Variants in MCPH1 observed in about 807,000 individuals in gnomAD.
MCPH1 encodes microcephalin 1.
A neutral mutation model predicts 84.5 loss-of-function variants in MCPH1; 104 were observed. The ratio of observed to expected loss-of-function variants is 1.23; its 90% CI spans 1.05 to 1.45. The LOEUF (loss-of-function observed/expected upper bound fraction) is 1.45, where lower values mean the gene tolerates loss of function less well. MCPH1 is among the 40% of genes most tolerant of loss of function. MCPH1 has a pLI of 0.00. For synonymous variants in MCPH1, 514 were observed against 366.8 expected, an observed-to-expected ratio of 1.40 and a Z score of -4.58; for missense variants, 1,498 against 1,005.7, an observed-to-expected ratio of 1.49 and a Z score of -6.62.
intron 12 of MCPH1, among the ~76,000 whole-genome samples, chr8:6,580,987 A>G (rs150992099): frequency 5.4e-4 from 82 of 152,378 alleles, no homozygotes; most frequent in African/African-American, 1.9e-3. Flanking sequence ...ACAATAAAAA[A>G]GTACAAAAAA....
intron 1 of MCPH1, among the ~76,000 whole-genome samples, chr8:6,407,800 G>GC (rs977949303): frequency 2.0e-5 from 3 of 152,108 alleles, no homozygotes; most frequent in African/African-American, 7.2e-5. Flanking sequence ...CACTCACTAT[G>GC]CCCCCCAGGC....
chr8:6,413,139 A>T (rs551321767), intron 2 of MCPH1, among the ~76,000 whole-genome samples: 15 of 152,204 alleles, frequency 9.9e-5, no homozygotes, highest in African/African-American at 3.6e-4. Context: ...TGCCTTTATT[A>T]TACTGTTACC....
At chr8:6,416,371 C>T (rs1325635806) in intron 3 of MCPH1, among the ~76,000 whole-genome samples, 3 of 152,108 alleles carry the variant, frequency 2.0e-5, no homozygotes, top group Non-Finnish European at 4.4e-5. Context: ...TGAGAATGGA[C>T]GTCCTTGTGT....
chr8:6,409,858 A>G (rs1318280532), intron 2 of MCPH1, among the ~76,000 whole-genome samples: 2 of 152,160 alleles, frequency 1.3e-5, no homozygotes, highest in Non-Finnish European at 1.5e-5. Context: ...AAGAGTGGTG[A>G]CAGAGGAGCG....
intron 13 of MCPH1, among the ~76,000 whole-genome samples, chr8:6,640,473 T>C (rs776741087): frequency 6.6e-6 from 1 of 152,228 alleles, no homozygotes; most frequent in Non-Finnish European, 1.5e-5. Flanking sequence ...TGAGTCTGAA[T>C]ATCTTAGATA....
chr8:6,638,502 C>T (rs1397091718), intron 13 of MCPH1, among the ~76,000 whole-genome samples: 1 of 151,596 alleles, frequency 6.6e-6, no homozygotes, highest in African/African-American at 2.4e-5. Flanking sequence ...CATAAGACCA[C>T]ACAGAGCCAT....
chr8:6,620,479 T>C (rs899404702), intron 12 of MCPH1, among the ~76,000 whole-genome samples: 8 of 152,098 alleles, frequency 5.3e-5, no homozygotes, highest in Admixed American at 5.2e-4. Flanking sequence ...GAGGTCAGCC[T>C]TGCCTGCTGC....
intron 13 of MCPH1, among the ~76,000 whole-genome samples, chr8:6,634,389 T>A (rs1797388010): frequency 6.6e-6 from 1 of 152,222 alleles, no homozygotes; most frequent in South Asian, 2.1e-4. Context: ...AAGTCTGTAT[T>A]GCTGATGAGA....
At chr8:6,438,822 C>T in intron 5 of MCPH1, 131 bp from the exon 6 acceptor site, 1 of 756,322 alleles carries the variant, frequency 1.3e-6, no homozygotes. Flanking sequence ...AGAATATTAG[C>T]AGGAGTAGGT....
chr8:6,519,771 T>G, intron 12 of MCPH1: 1 of 1,486,486 alleles, frequency 6.7e-7, no homozygotes, highest in Non-Finnish European at 9.2e-7. Context: ...CTGGGGAAGA[T>G]CTTTGGGGAG....
At chr8:6,424,409 C>T (rs998971062) in intron 3 of MCPH1, among the ~76,000 whole-genome samples, 2 of 152,164 alleles carry the variant, frequency 1.3e-5, no homozygotes, top group Non-Finnish European at 2.9e-5. Flanking sequence ...GGGACATATT[C>T]CTGCATAACC....
intron 12 of MCPH1, among the ~76,000 whole-genome samples, chr8:6,602,391 C>A (rs568443151): frequency 6.6e-6 from 1 of 152,114 alleles, no homozygotes; most frequent in Non-Finnish European, 1.5e-5. Context: ...AGTGGCCTGG[C>A]AACCAGAGGT....
At chr8:6,625,343 GTGTCCTC>G (rs1831955584) in intron 13 of MCPH1, 1 of 985,356 alleles carries the variant, frequency 1.0e-6, no homozygotes. Context: ...ATCCATGGAT[GTGTCCTC>G]ATCATCCCTG....
intron 10 of MCPH1, among the ~76,000 whole-genome samples, chr8:6,479,053 C>G (rs1306014710): frequency 6.6e-6 from 1 of 152,168 alleles, no homozygotes. Flanking sequence ...TTGTTTGAGC[C>G]TAGGAGTTCA....
chr8:6,557,120 A>G (rs528732418), intron 12 of MCPH1, among the ~76,000 whole-genome samples: 1 of 152,060 alleles, frequency 6.6e-6, no homozygotes, highest in African/African-American at 2.4e-5. Context: ...GTTCATTCAC[A>G]CTCCTCTCAG....
In MCPH1 at chr8:6,444,873, G is replaced by A; in HGVS notation, c.1151G>A (p.Arg384Lys). ...AGCACCAGGAGATCTATCATGCCGA[G>A]GCTGCAGCTGTGCAGGTCGGAAGAC... ...KRSTRRSIMP[R>K]LQLCRSEDRL... is the part of the protein sequence containing the mutation. The change falls in exon 8 of 14, where the codon AGG (arginine) becomes AAG (lysine). Residue 384 changes from arginine to lysine, a missense_variant. Coordinates refer to ENST00000344683, the MANE Select transcript of MCPH1 (RefSeq NM_024596.5). The A allele has an allele frequency of 6.2e-7, 1 of 1,614,162 alleles. No homozygotes were observed. Among genetic ancestry groups the A allele is most frequent in the Non-Finnish European group, 8.5e-7 (1 of 1,180,036 alleles).
chr8:6,410,789 T>A (rs1307941094), intron 2 of MCPH1, among the ~76,000 whole-genome samples: 7 of 152,112 alleles, frequency 4.6e-5, no homozygotes, highest in African/African-American at 1.7e-4. Context: ...ATGAAGTACA[T>A]GATCTGCACA....
intron 5 of MCPH1, among the ~76,000 whole-genome samples, chr8:6,436,393 G>T (rs546001015): frequency 2.0e-5 from 3 of 152,188 alleles, no homozygotes; most frequent in African/African-American, 4.8e-5. Flanking sequence ...CATCAAGGTG[G>T]TCGAACTTTT....
intron 9 of MCPH1, among the ~76,000 whole-genome samples, chr8:6,475,259 G>A (rs1167172764): frequency 6.6e-6 from 1 of 152,256 alleles, no homozygotes; most frequent in Non-Finnish European, 1.5e-5. Flanking sequence ...ATGCTGGGGA[G>A]CAGGGTGCAA....
Sources: allele counts gnomAD v4.1 joint callset (sites outside exome capture counted in the v4.1 genomes callset), GRCh38; gene constraint gnomAD v4.1.1; transcripts MANE v1.5; gene names NCBI Gene and HGNC (gene_info 2026-07-23, HGNC 2026-07-21).